SMOC1: variants seen among roughly 807,000 people sequenced by gnomAD.
SMOC1 encodes SPARC related modular calcium binding 1.
In SMOC1, 22 loss-of-function variants were observed where a neutral mutation model predicts 56.3. That is an observed-to-expected ratio of 0.39 (90% confidence interval 0.28 to 0.56). SMOC1 has a LOEUF of 0.56. Ranked by LOEUF, SMOC1 falls within the 20% of genes least tolerant of loss-of-function variation. The probability of loss-of-function intolerance (pLI) is 0.61; values close to 1 mark genes in which losing one functional copy is unlikely to be tolerated. For synonymous variants in SMOC1, 193 were observed against 215.0 expected (o/e 0.90, Z 0.89); for missense variants, 509 against 565.4 (o/e 0.90, Z 1.01).
At chr14:69,981,518 G>T (rs560452140) in intron 5 of SMOC1, among the ~76,000 whole-genome samples, 80 of 152,210 alleles carry the variant, frequency 5.3e-4, no homozygotes, top group African/African-American at 1.9e-3. Context: ...AAAGAGAGAC[G>T]TGTGTGTGTT....
At chr14:70,008,168 G>A (rs1885209356) in intron 7 of SMOC1, among the ~76,000 whole-genome samples, 1 of 151,152 alleles carries the variant, frequency 6.6e-6, no homozygotes, top group South Asian at 2.1e-4. Context: ...CTTACTCTGT[G>A]GGCCAGGCTG....
At chr14:69,935,209 T>G (rs1885265272) in intron 1 of SMOC1, among the ~76,000 whole-genome samples, 2 of 152,210 alleles carry the variant, frequency 1.3e-5, no homozygotes, top group African/African-American at 2.4e-5. Flanking sequence ...CAAATAGATT[T>G]AGATCTGGCA....
chr14:69,914,092 T>C (rs2139352769), intron 1 of SMOC1, among the ~76,000 whole-genome samples: 1 of 152,274 alleles, frequency 6.6e-6, no homozygotes, highest in South Asian at 2.1e-4. Flanking sequence ...ATGTGCAGAT[T>C]TGATCCCCAG....
intron 10 of SMOC1, among the ~76,000 whole-genome samples, chr14:70,020,284 G>C (rs549505964): frequency 3.3e-5 from 5 of 152,120 alleles, no homozygotes; most frequent in African/African-American, 1.2e-4. Flanking sequence ...GGCTCTCAGA[G>C]GGTTCACAAT....
At chr14:69,977,164 A>T (rs939665855) in intron 4 of SMOC1, among the ~76,000 whole-genome samples, 4 of 152,202 alleles carry the variant, frequency 2.6e-5, no homozygotes, top group African/African-American at 9.7e-5. Flanking sequence ...GGAAATAGAG[A>T]TTCTTTTCTT....
chr14:69,932,476 G>T (rs1007587909), intron 1 of SMOC1, among the ~76,000 whole-genome samples: 1 of 152,196 alleles, frequency 6.6e-6, no homozygotes, highest in Non-Finnish European at 1.5e-5. Context: ...GAACAAAGCC[G>T]CCACAAAGGC....
intron 3 of SMOC1, among the ~76,000 whole-genome samples, chr14:69,965,200 A>T (rs1883522963): frequency 6.6e-6 from 1 of 152,092 alleles, no homozygotes. Context: ...TAACATGGTG[A>T]AACCCCATCT....
chr14:69,998,139 C>T (rs189999445), intron 7 of SMOC1, among the ~76,000 whole-genome samples: 57 of 152,206 alleles, frequency 3.7e-4, no homozygotes, highest in African/African-American at 1.3e-3. Flanking sequence ...AAGTTTTGGC[C>T]CTTGTTTTTA....
chr14:69,888,672 C>T lies in SMOC1; in HGVS notation c.99+8895C>T, dbSNP rs547145142. On this transcript the variant is annotated intron_variant, in intron 1 of 11. Coordinates refer to ENST00000361956, the MANE Select transcript of SMOC1 (RefSeq NM_001034852.3). Reference sequence around the variant, plus strand: ...ATTCTATAAGATAAGGGCTGAAAGCCTTTTTTTTTTCTTTTAAAGTATTGA... The same window carrying T: ...ATTCTATAAGATAAGGGCTGAAAGCTTTTTTTTTTTCTTTTAAAGTATTGA... Among the ~76,000 whole-genome samples the T allele has an allele frequency of 1.7e-4, 26 of 150,524 alleles. No individual in the cohort carries two copies. In the South Asian group the frequency reaches 5.0e-3, roughly 29 times the overall value.
chr14:69,990,872 A>G (rs1355271461), intron 5 of SMOC1, among the ~76,000 whole-genome samples: 1 of 152,172 alleles, frequency 6.6e-6, no homozygotes, highest in Non-Finnish European at 1.5e-5. Flanking sequence ...CATGAGAATA[A>G]TATCAGGGTC....
chr14:69,985,509 T>C (rs1884333921), intron 5 of SMOC1, among the ~76,000 whole-genome samples: 1 of 152,214 alleles, frequency 6.6e-6, no homozygotes, highest in Non-Finnish European at 1.5e-5. Context: ...CAAATGTCCT[T>C]CAGTGGATGA....
chr14:69,939,424 C>T (rs1594812905), intron 1 of SMOC1, among the ~76,000 whole-genome samples: 1 of 152,294 alleles, frequency 6.6e-6, no homozygotes, highest in Middle Eastern at 3.4e-3. Context: ...GTCCCTCCTA[C>T]CACATGTGGG....
At chr14:69,939,132 T>C (rs1173540172) in intron 1 of SMOC1, among the ~76,000 whole-genome samples, 2 of 152,148 alleles carry the variant, frequency 1.3e-5, no homozygotes, top group African/African-American at 4.8e-5. Context: ...AGTTACTGAG[T>C]GTATTAGTCT....
chr14:70,024,492 A>G (rs1255304860), intron 11 of SMOC1, among the ~76,000 whole-genome samples: 1 of 152,164 alleles, frequency 6.6e-6, no homozygotes, highest in Non-Finnish European at 1.5e-5. Context: ...CACAAAGCCT[A>G]AAATATTTAC....
At chr14:69,927,596 A>G (rs1885044279) in intron 1 of SMOC1, among the ~76,000 whole-genome samples, 1 of 152,108 alleles carries the variant, frequency 6.6e-6, no homozygotes, top group South Asian at 2.1e-4. Flanking sequence ...GGATTGCCTG[A>G]GCCCCAGAGG....
At chr14:69,947,289 C>T (rs994765269) in intron 1 of SMOC1, among the ~76,000 whole-genome samples, 3 of 152,050 alleles carry the variant, frequency 2.0e-5, no homozygotes, top group Non-Finnish European at 4.4e-5. Context: ...CTCATCTCAG[C>T]CTCCCAAGTA....
intron 3 of SMOC1, among the ~76,000 whole-genome samples, chr14:69,974,414 A>C (rs929033623): frequency 6.6e-6 from 1 of 152,168 alleles, no homozygotes; most frequent in African/African-American, 2.4e-5. Flanking sequence ...GAGCAAACAA[A>C]GGCTCAGAAT....
chr14:69,924,935 AGGGAGGTAGGGGAGGTAG>A (rs1392843242), intron 1 of SMOC1, among the ~76,000 whole-genome samples: 1 of 19,042 alleles, frequency 5.3e-5, no homozygotes, highest in Admixed American at 5.3e-4. Flanking sequence ...AGGGGAGGTA[AGGGAGGTAGGGGAGGTAG>A]GGGAGCTAGG....
intron 1 of SMOC1, among the ~76,000 whole-genome samples, chr14:69,937,527 G>A (rs911576614): frequency 3.3e-5 from 5 of 152,136 alleles, no homozygotes; most frequent in Non-Finnish European, 7.4e-5. Context: ...CCCAGTTTGG[G>A]TCAACAGGAT....
Sources: gnomAD v4.1 joint callset for allele counts (sites outside exome capture counted in the v4.1 genomes callset) on GRCh38, gnomAD v4.1.1 for gene constraint, MANE v1.5 for transcripts, NCBI Gene and HGNC (gene_info 2026-07-23, HGNC 2026-07-21) for gene names.